Variants in SHISA6 observed in about 807,000 individuals in gnomAD.
The protein encoded by SHISA6 is protein shisa-6.
A neutral mutation model predicts 47.9 loss-of-function variants in SHISA6; 22 were observed. The observed-to-expected ratio is 0.46, with a 90% CI of 0.33 to 0.66. The LOEUF is 0.66. SHISA6 is among the 30% of genes least tolerant of loss of function. The pLI is 0.02. For synonymous variants in SHISA6, 388 were observed against 337.8 expected, an observed-to-expected ratio of 1.15 and a Z score of -1.63; for missense variants, 680 against 764.6, an observed-to-expected ratio of 0.89 and a Z score of 1.30.
At chr17:11,275,869 T>A (rs936568603) in intron 2 of SHISA6, among the ~76,000 whole-genome samples, 2 of 151,258 alleles carry the variant, frequency 1.3e-5, no homozygotes, top group African/African-American at 4.9e-5. Flanking sequence ...AGTTTCATTC[T>A]GGATGTCATG....
intron 3 of SHISA6, among the ~76,000 whole-genome samples, chr17:11,415,468 C>T (rs1914254346): frequency 6.6e-6 from 1 of 152,192 alleles, no homozygotes; most frequent in Non-Finnish European, 1.5e-5. Context: ...ACAGTCTTGA[C>T]TCACTGGGCT....
At chr17:11,557,170 G>A (rs1368493242) in intron 5 of SHISA6, among the ~76,000 whole-genome samples, 8 of 152,188 alleles carry the variant, frequency 5.3e-5, no homozygotes, top group Non-Finnish European at 7.3e-5. Context: ...AAGGTGTTAC[G>A]ATGTTCCTAA....
intron 2 of SHISA6, among the ~76,000 whole-genome samples, chr17:11,317,170 A>G (rs1482851017): frequency 3.3e-5 from 5 of 152,016 alleles, no homozygotes; most frequent in South Asian, 2.1e-4. Flanking sequence ...ATTTGGCTCT[A>G]TATTTTAAAA....
intron 3 of SHISA6, among the ~76,000 whole-genome samples, chr17:11,433,665 T>A (rs1031513492): frequency 8.5e-5 from 13 of 152,142 alleles, no homozygotes; most frequent in African/African-American, 3.1e-4. Context: ...ATATATTTTT[T>A]AAAAAGTTTA....
At chr17:11,284,371 A>T (rs1319006559) in intron 2 of SHISA6, among the ~76,000 whole-genome samples, 1 of 152,186 alleles carries the variant, frequency 6.6e-6, no homozygotes, top group East Asian at 1.9e-4. Context: ...TTCCATCTTT[A>T]TGCTTGTTAC....
intron 2 of SHISA6, among the ~76,000 whole-genome samples, chr17:11,364,917 T>G (rs1183603911): frequency 1.3e-5 from 2 of 152,184 alleles, no homozygotes; most frequent in Non-Finnish European, 2.9e-5. Context: ...TGGTATTACA[T>G]TACAGTTAAA....
At chr17:11,353,287 T>G (rs1211576285) in intron 2 of SHISA6, among the ~76,000 whole-genome samples, 7 of 151,828 alleles carry the variant, frequency 4.6e-5, no homozygotes, top group Non-Finnish European at 1.0e-4. Context: ...TGAAACCCCG[T>G]CTCTACTAAA....
chr17:11,481,015 A>G (rs1283871319), intron 3 of SHISA6, among the ~76,000 whole-genome samples: 1 of 151,998 alleles, frequency 6.6e-6, no homozygotes. Flanking sequence ...GTGGTGGCTT[A>G]TGCCTATAAT....
Position 11,428,537 on chromosome 17 carries a change from G to A in SHISA6, c.895+49028G>A, listed in dbSNP as rs75763751. Among the ~76,000 whole-genome samples the A allele has an allele frequency of 5.7e-3, 864 of 152,332 alleles. 13 individuals are homozygous for A. The highest frequency in any genetic ancestry group is 0.02 in the African/African-American group (812 of 41,568). On this transcript the variant is annotated intron_variant, in intron 3 of 5. Coordinates refer to ENST00000441885, the MANE Select transcript of SHISA6 (RefSeq NM_207386.4). The stretch of plus-strand genomic sequence containing the variant: ...TGTTCTACACATCTGTGGCTACGGC[G>A]CTAAGCAGAATGCTTGGCATTCAGT...
chr17:11,307,581 C>G (rs1300563557), intron 2 of SHISA6, among the ~76,000 whole-genome samples: 1 of 152,106 alleles, frequency 6.6e-6, no homozygotes, highest in Non-Finnish European at 1.5e-5. Context: ...GCAAGGGAGG[C>G]TGGGGAATGG....
chr17:11,492,357 A>G (rs181396588), intron 3 of SHISA6, among the ~76,000 whole-genome samples: 1 of 152,302 alleles, frequency 6.6e-6, no homozygotes, highest in East Asian at 1.9e-4. Flanking sequence ...CCACTATTGC[A>G]TTGACCAGCA....
At chr17:11,433,629 C>T (rs1914852466) in intron 3 of SHISA6, among the ~76,000 whole-genome samples, 1 of 152,088 alleles carries the variant, frequency 6.6e-6, no homozygotes, top group African/African-American at 2.4e-5. Context: ...CCAGAAATCC[C>T]ATTACTGGGT....
chr17:11,373,689 A>C (rs1912699451), intron 2 of SHISA6, among the ~76,000 whole-genome samples: 1 of 152,112 alleles, frequency 6.6e-6, no homozygotes, highest in Non-Finnish European at 1.5e-5. Context: ...CATCATTATG[A>C]CTGAGAACCA....
chr17:11,503,364 C>T (rs1274303713), intron 3 of SHISA6, among the ~76,000 whole-genome samples: 1 of 149,016 alleles, frequency 6.7e-6, no homozygotes, highest in Non-Finnish European at 1.5e-5. Flanking sequence ...CGGTCATTTG[C>T]AATCTCTGGA....
At chr17:11,457,348 G>A (rs1258629409) in intron 3 of SHISA6, among the ~76,000 whole-genome samples, 4 of 152,124 alleles carry the variant, frequency 2.6e-5, no homozygotes, top group African/African-American at 7.2e-5. Context: ...CCATGCAGTC[G>A]ACAGTTACAA....
chr17:11,335,835 G>T (rs1050396331), intron 2 of SHISA6, among the ~76,000 whole-genome samples: 10 of 152,146 alleles, frequency 6.6e-5, no homozygotes, highest in Non-Finnish European at 1.3e-4. Context: ...TAGAATGGTG[G>T]TTGCAATAAA....
At chr17:11,341,188 C>T (rs1293047585) in intron 2 of SHISA6, among the ~76,000 whole-genome samples, 1 of 152,212 alleles carries the variant, frequency 6.6e-6, no homozygotes, top group Non-Finnish European at 1.5e-5. Flanking sequence ...TCACGACTCA[C>T]AGTTCCACCA....
At chr17:11,323,280 T>C (rs2159293) in intron 2 of SHISA6, among the ~76,000 whole-genome samples, 41,245 of 152,110 alleles carry the variant, frequency 0.27, 6,491 homozygotes, top group Non-Finnish European at 0.35. Context: ...CCAACTTCCT[T>C]TATGATACAA....
chr17:11,515,770 C>A (rs2071580711), intron 3 of SHISA6, among the ~76,000 whole-genome samples: 1 of 152,124 alleles, frequency 6.6e-6, no homozygotes. Context: ...TTCCCAGGAG[C>A]GCAAGGGTAG....
Sources: gnomAD v4.1 joint callset for allele counts (sites outside exome capture counted in the v4.1 genomes callset) on GRCh38, gnomAD v4.1.1 for gene constraint, MANE v1.5 for transcripts, NCBI Gene and HGNC (gene_info 2026-07-23, HGNC 2026-07-21) for gene names.